TNFSF4: variants seen among roughly 807,000 people sequenced by gnomAD.
TNFSF4 encodes the protein tumor necrosis factor ligand superfamily member 4.
In TNFSF4, 4 loss-of-function variants were observed where a neutral mutation model predicts 7.3. The ratio of observed to expected loss-of-function variants is 0.55; its 90% confidence interval spans 0.27 to 1.25. The LOEUF (loss-of-function observed/expected upper bound fraction) is 1.25. Ranked by LOEUF, TNFSF4 falls within the 50% of genes most tolerant of loss-of-function variation. TNFSF4 has a pLI of 0.12. For missense variants in TNFSF4, 181 were observed against 208.8 expected (o/e 0.87, Z 0.82); for synonymous variants, 76 against 83.7 (o/e 0.91, Z 0.50).
chr1:173,301,636 C>T, the TNFSF4 span, among the ~76,000 whole-genome samples: 10 of 151,746 alleles, frequency 6.6e-5, no homozygotes, highest in Non-Finnish European at 1.0e-4. Flanking sequence ...AGGTCATCTC[C>T]TCCCAAAGCC....
the TNFSF4 span, among the ~76,000 whole-genome samples, chr1:173,374,626 C>T: frequency 4.6e-5 from 7 of 152,294 alleles, no homozygotes; most frequent in African/African-American, 7.2e-5. Flanking sequence ...AAACCCCTTC[C>T]GACTTAAAAA....
chr1:173,202,481 T>C (rs1649988183), intron 1 of TNFSF4, among the ~76,000 whole-genome samples: 1 of 152,216 alleles, frequency 6.6e-6, no homozygotes, highest in Non-Finnish European at 1.5e-5. Flanking sequence ...TGAGAAGTTT[T>C]CTAATCAACT....
At chr1:173,324,190 G>A in the TNFSF4 span, among the ~76,000 whole-genome samples, 1 of 152,140 alleles carries the variant, frequency 6.6e-6, no homozygotes, top group Non-Finnish European at 1.5e-5. Flanking sequence ...AAGCCAGAAG[G>A]GGCGGGGGGG....
chr1:173,419,838 C>T, the TNFSF4 span, among the ~76,000 whole-genome samples: 3 of 152,060 alleles, frequency 2.0e-5, no homozygotes, highest in Admixed American at 2.0e-4. Flanking sequence ...ACTATAGCTC[C>T]TAGAGCTGAC....
chr1:173,329,318 C>T, the TNFSF4 span, among the ~76,000 whole-genome samples: 1 of 152,048 alleles, frequency 6.6e-6, no homozygotes, highest in Non-Finnish European at 1.5e-5. Flanking sequence ...ACCTATACTA[C>T]CTAATACAAT....
chr1:173,376,072 C>A, the TNFSF4 span, among the ~76,000 whole-genome samples: 1 of 152,260 alleles, frequency 6.6e-6, no homozygotes, highest in East Asian at 1.9e-4. Context: ...TTCCTATGAC[C>A]ATGGTTCTCA....
chr1:173,422,463 T>C, the TNFSF4 span, among the ~76,000 whole-genome samples: 1 of 151,814 alleles, frequency 6.6e-6, no homozygotes, highest in Non-Finnish European at 1.5e-5. Context: ...GTCTTTGTAG[T>C]ATGGTGTGAT....
chr1:173,290,010 A>C, the TNFSF4 span, among the ~76,000 whole-genome samples: 3,487 of 152,246 alleles, frequency 0.023, 133 homozygotes, highest in African/African-American at 0.08. Flanking sequence ...TGAAAATTAC[A>C]AGCCTATAGA....
chr1:173,228,119 T>C, the TNFSF4 span, among the ~76,000 whole-genome samples: 21 of 152,292 alleles, frequency 1.4e-4, no homozygotes, highest in African/African-American at 4.8e-4. Flanking sequence ...TGAGAACAGA[T>C]AGACTGCCTC....
At chr1:173,309,996 T>TGG in the TNFSF4 span, among the ~76,000 whole-genome samples, 1 of 151,912 alleles carries the variant, frequency 6.6e-6, no homozygotes, top group Non-Finnish European at 1.5e-5. Context: ...TATGAGATTT[T>TGG]AATGACTGTC....
chr1:173,205,212 C>T, intron 1 of TNFSF4: 2 of 1,396,492 alleles, frequency 1.4e-6, no homozygotes, highest in East Asian at 4.8e-5. Flanking sequence ...GTAGACAGGG[C>T]ATGTTTCTTA....
At position 173,207,269 on chromosome 1, in the gene TNFSF4, A is replaced by G. The variant is rs948154562; in HGVS notation, c.-93T>C. 49 of 1,265,344 alleles carry G rather than the reference A, an allele frequency of 3.9e-5. No individual in the cohort carries two copies. The highest frequency in any genetic ancestry group is 5.1e-5 in the Non-Finnish European group (46 of 907,866). 78.4% of individuals were successfully genotyped at this position (1,265,344 alleles called of 1,614,324 possible). ...TCCCCAGAAAGAAGGAGGTAAAGAC[A>G]AAACAAAGCCTATCAATCAGAAAAT... On this transcript the variant is annotated 5_prime_UTR_variant, in exon 1 of 3. Transcript: ENST00000281834.
At chr1:173,366,499 CAG>C in the TNFSF4 span, among the ~76,000 whole-genome samples, 1 of 151,718 alleles carries the variant, frequency 6.6e-6, no homozygotes, top group Non-Finnish European at 1.5e-5. Flanking sequence ...TTGAAGGAAA[CAG>C]GGGGATGGTT....
the TNFSF4 span, among the ~76,000 whole-genome samples, chr1:173,234,245 G>A: frequency 6.6e-6 from 1 of 152,184 alleles, no homozygotes; most frequent in Non-Finnish European, 1.5e-5. Context: ...AAACCACAAT[G>A]AGATACGATC....
In TNFSF4 at chr1:173,207,268, CA is replaced by C; in HGVS notation, c.-93del. On this transcript the variant is annotated 5_prime_UTR_variant, in exon 1 of 3. Transcript: ENST00000281834. The stretch of plus-strand genomic sequence containing the variant: ...TTCCCCAGAAAGAAGGAGGTAAAGA[CA>C]AAACAAAGCCTATCAATCAGAAAAT... 1 of 1,260,504 alleles carries C rather than the reference CA, an allele frequency of 7.9e-7. No homozygotes were observed. Among genetic ancestry groups the C allele is most frequent in the Non-Finnish European group, 1.1e-6 (1 of 904,300 alleles). 78.1% of individuals were successfully genotyped at this position (1,260,504 alleles called of 1,614,324 possible).
the TNFSF4 span, among the ~76,000 whole-genome samples, chr1:173,368,359 C>T: frequency 6.6e-6 from 1 of 152,208 alleles, no homozygotes; most frequent in Non-Finnish European, 1.5e-5. Flanking sequence ...AGCGAGACCA[C>T]AAAACCACCA....
At chr1:173,386,696 C>A in the TNFSF4 span, among the ~76,000 whole-genome samples, 2 of 152,214 alleles carry the variant, frequency 1.3e-5, no homozygotes, top group African/African-American at 4.8e-5. Flanking sequence ...GAGCTGCAGG[C>A]ATCTGACTCC....
intron 1 of TNFSF4, chr1:173,205,461 C>G (rs1650147537): frequency 6.5e-7 from 1 of 1,541,168 alleles, no homozygotes; most frequent in African/African-American, 1.4e-5. Context: ...CCCCAACCAC[C>G]AGCAAGCTGT....
chr1:173,321,554 G>T, the TNFSF4 span, among the ~76,000 whole-genome samples: 1 of 151,852 alleles, frequency 6.6e-6, no homozygotes, highest in Admixed American at 6.6e-5. Context: ...CTACAGAATG[G>T]GAGAAAATTT....
Sources: gnomAD v4.1 joint callset for allele counts (sites outside exome capture counted in the v4.1 genomes callset) on GRCh38, gnomAD v4.1.1 for gene constraint, MANE v1.5 for transcripts, NCBI Gene and HGNC (gene_info 2026-07-23, HGNC 2026-07-21) for gene names.